Variants in CACNB2 observed in about 807,000 individuals in gnomAD.
The protein encoded by CACNB2 is calcium voltage-gated channel auxiliary subunit beta 2, also known as voltage-dependent L-type calcium channel subunit beta-2.
In CACNB2, 42 loss-of-function variants were observed where a neutral mutation model predicts 73.3. The ratio of observed to expected loss-of-function variants is 0.57; its 90% CI spans 0.45 to 0.74. The LOEUF is 0.74. Ranked by LOEUF, CACNB2 falls within the 30% of genes least tolerant of loss-of-function variation. CACNB2 has a pLI of 0.00. For synonymous variants in CACNB2, 348 were observed against 310.3 expected (o/e 1.12, Z -1.28); for missense variants, 940 against 853.0 (o/e 1.10, Z -1.27).
At chr10:18,502,056 C>T (rs1477050790) in intron 5 of CACNB2, among the ~76,000 whole-genome samples, 1 of 152,214 alleles carries the variant, frequency 6.6e-6, no homozygotes, top group East Asian at 1.9e-4. Context: ...TGCCTGTAAT[C>T]CCAGCACTGG....
intron 2 of CACNB2, among the ~76,000 whole-genome samples, chr10:18,362,881 C>A (rs141182035): frequency 6.6e-6 from 1 of 151,192 alleles, no homozygotes; most frequent in Non-Finnish European, 1.5e-5. Flanking sequence ...TGCACTCCAG[C>A]GTGGGCGACA....
Position 18,378,242 on chromosome 10 carries a change from A to G in CACNB2, c.214-23682A>G, listed in dbSNP as rs1282505315. ...ACATTGGAATTATTATACTCAACCAATGACAGTGTATTTGGTGATATGTCA... is the reference window on the plus strand; with the variant it reads ...ACATTGGAATTATTATACTCAACCAGTGACAGTGTATTTGGTGATATGTCA... On this transcript the variant is annotated intron_variant, in intron 2 of 13. Coordinates refer to ENST00000324631, the MANE Select transcript of CACNB2 (RefSeq NM_201596.3). Among the ~76,000 whole-genome samples, 8 of 152,164 alleles carry G rather than the reference A, an allele frequency of 5.3e-5. No homozygotes were observed. In the South Asian group the frequency reaches 6.2e-4, roughly 12 times the overall value.
intron 2 of CACNB2, among the ~76,000 whole-genome samples, chr10:18,220,233 A>AGGGGGGG (rs1564353966): frequency 9.2e-4 from 25 of 27,086 alleles, no homozygotes; most frequent in African/African-American, 4.9e-3. Flanking sequence ...ATATATATAT[A>AGGGGGGG]GAGAGAGAGA....
intron 3 of CACNB2, among the ~76,000 whole-genome samples, chr10:18,404,673 G>T (rs1381245095): frequency 6.6e-6 from 1 of 152,192 alleles, no homozygotes; most frequent in African/African-American, 2.4e-5. Flanking sequence ...AGTGCTTTCA[G>T]ATCCTGGTCC....
At position 18,276,048 on chromosome 10, in the gene CACNB2, C is replaced by G. The variant is rs555085728; in HGVS notation, c.213+125073C>G. Among the ~76,000 whole-genome samples, 20 of 152,300 alleles carry G rather than the reference C, an allele frequency of 1.3e-4. No homozygotes were observed. The East Asian group carries it at 3.9e-3, about 29-fold the overall frequency. ...ACATTTCAACATGTCAAAGTATTAA[C>G]ATATATTTTATAGTAATCTCAAATA... On this transcript the variant is annotated intron_variant, in intron 2 of 13. Transcript: ENST00000324631.
At chr10:18,340,960 A>G (rs749978631) in intron 2 of CACNB2, 3 of 1,614,118 alleles carry the variant, frequency 1.9e-6, no homozygotes, top group East Asian at 4.5e-5. Flanking sequence ...TCCTCAAACT[A>G]AATACATTAT....
Position 18,542,207 on chromosome 10 carries a change from A to C in CACNB2, c.*2483A>C, listed in dbSNP as rs904555419. The C allele has an allele frequency of 6.6e-6, 1 of 152,160 alleles. No individual in the cohort carries two copies. The highest frequency in any genetic ancestry group is 1.5e-5 in the Non-Finnish European group (1 of 68,030). The allele number at this position is 152,160 out of a possible 1,614,324, so 9.4% of individuals were successfully genotyped here. Reference sequence around the variant, plus strand: ...TGTTTAAAAAAAGAAAATAAAAATTAGTTACATATATAATGTTTTATCAGC... The same window carrying C: ...TGTTTAAAAAAAGAAAATAAAAATTCGTTACATATATAATGTTTTATCAGC... On this transcript the variant is annotated 3_prime_UTR_variant, in exon 14 of 14. Transcript: ENST00000324631.
chr10:18,397,081 C>A (rs2043748944), intron 2 of CACNB2, among the ~76,000 whole-genome samples: 1 of 152,116 alleles, frequency 6.6e-6, no homozygotes, highest in South Asian at 2.1e-4. Context: ...TACAAGAATG[C>A]TCCAAAATAC....
chr10:18,251,404 C>A (rs558886277), intron 2 of CACNB2, among the ~76,000 whole-genome samples: 3 of 152,070 alleles, frequency 2.0e-5, no homozygotes, highest in African/African-American at 7.2e-5. Context: ...CCTGCCACAA[C>A]GCCCAGCCAA....
rs1051100092 is a variant in CACNB2, at chr10:18,540,062, A to T, written c.*338A>T. On this transcript the variant is annotated 3_prime_UTR_variant, in exon 14 of 14. Coordinates refer to ENST00000324631, the MANE Select transcript of CACNB2 (RefSeq NM_201596.3). ...AGAAATGTAGTTGATGTATCCAACA[A>T]GCCAGAATCAGCACAGATAAAAAGT... 22 of 251,950 alleles carry T rather than the reference A, an allele frequency of 8.7e-5. No homozygotes were observed. The highest frequency in any genetic ancestry group is 5.0e-4 in the African/African-American group (22 of 44,358). 15.6% of individuals were successfully genotyped at this position (251,950 alleles called of 1,614,324 possible).
chr10:18,435,541 C>T (rs2046090388), intron 3 of CACNB2, among the ~76,000 whole-genome samples: 1 of 152,110 alleles, frequency 6.6e-6, no homozygotes, highest in Non-Finnish European at 1.5e-5. Context: ...TTCTGTCACC[C>T]AGGCTGAAGT....
chr10:18,268,556 T>C (rs2037912597), intron 2 of CACNB2, among the ~76,000 whole-genome samples: 1 of 152,242 alleles, frequency 6.6e-6, no homozygotes, highest in South Asian at 2.1e-4. Context: ...GCATTTATTC[T>C]ACATGTGTTT....
chr10:18,463,308 G>T (rs960071713), intron 3 of CACNB2, among the ~76,000 whole-genome samples: 2 of 151,952 alleles, frequency 1.3e-5, no homozygotes, highest in Non-Finnish European at 2.9e-5. Context: ...AGGATCATTT[G>T]AGCCCAGGAG....
intron 2 of CACNB2, chr10:18,400,566 C>T (rs567348196): frequency 9.8e-7 from 1 of 1,021,656 alleles, no homozygotes; most frequent in Middle Eastern, 5.0e-4. Flanking sequence ...CGCCTCCCCC[C>T]TCCCCCTCGA....
At chr10:18,526,267 C>T (rs1403591642) in intron 9 of CACNB2, among the ~76,000 whole-genome samples, 1 of 152,098 alleles carries the variant, frequency 6.6e-6, no homozygotes. Context: ...AGCCTGGCTA[C>T]CAAAACTGTA....
chr10:18,372,017 G>C (rs2042606683), intron 2 of CACNB2, among the ~76,000 whole-genome samples: 1 of 152,182 alleles, frequency 6.6e-6, no homozygotes, highest in Admixed American at 6.5e-5. Flanking sequence ...AGAAGTGTCT[G>C]TTCATATCCT....
intron 2 of CACNB2, among the ~76,000 whole-genome samples, chr10:18,378,770 C>T (rs1434736539): frequency 1.3e-5 from 2 of 152,110 alleles, no homozygotes; most frequent in African/African-American, 4.8e-5. Context: ...TCCACGGTGG[C>T]CTGACGGTTA....
chr10:18,251,848 C>A (rs954162698), intron 2 of CACNB2, among the ~76,000 whole-genome samples: 2 of 152,058 alleles, frequency 1.3e-5, no homozygotes, highest in Admixed American at 1.3e-4. Flanking sequence ...TCACAAGAAA[C>A]AGCAAGGGGG....
At chr10:18,530,914 G>A (rs935278297) in intron 10 of CACNB2, among the ~76,000 whole-genome samples, 20 of 152,194 alleles carry the variant, frequency 1.3e-4, no homozygotes, top group African/African-American at 4.6e-4. Context: ...TGCCCCCCAA[G>A]CCACTTTGAT....
Sources: gnomAD v4.1 joint callset for allele counts (sites outside exome capture counted in the v4.1 genomes callset) on GRCh38, gnomAD v4.1.1 for gene constraint, MANE v1.5 for transcripts, NCBI Gene and HGNC (gene_info 2026-07-23, HGNC 2026-07-21) for gene names.